ADGRB2: variants seen among roughly 807,000 people sequenced by gnomAD.
ADGRB2 encodes the protein adhesion G protein-coupled receptor B2.
Under a neutral mutation model 178.7 loss-of-function variants are expected in ADGRB2, and 47 were observed. The ratio of observed to expected loss-of-function variants is 0.26; its 90% confidence interval spans 0.21 to 0.34. The LOEUF (loss-of-function observed/expected upper bound fraction) is 0.34. Among genes scored for constraint, ADGRB2 ranks in the 10% least tolerant of loss-of-function variants. ADGRB2 has a pLI of 1.00. For missense variants in ADGRB2, 1,584 were observed against 2,180.8 expected (o/e 0.73, Z 5.45); for synonymous variants, 870 against 912.4 (o/e 0.95, Z 0.84).
At position 31,738,888 on chromosome 1, in the gene ADGRB2, G is replaced by T. The variant is rs371281803; in HGVS notation, c.2545C>A (p.Pro849Thr). ...SRVMTVTVRP[P>T]TQPPAEPLIT... ...AGGGGCTCAGCTGGAGGCTGGGTAGGGGGGCGCACAGTCACTGTCATCACC... is the reference window on the plus strand; with the variant it reads ...AGGGGCTCAGCTGGAGGCTGGGTAGTGGGGCGCACAGTCACTGTCATCACC... Residue 849 changes from proline (P) to threonine (T), a missense_variant, in exon 16 of 33, where the codon CCT becomes ACT. Coordinates refer to ENST00000373658, the MANE Select transcript of ADGRB2 (RefSeq NM_001364857.2). 4 of 1,613,870 alleles carry T rather than the reference G, an allele frequency of 2.5e-6. No individual in the cohort carries two copies. The highest frequency in any genetic ancestry group is 2.7e-5 in the African/African-American group (2 of 75,066).
chr1:31,760,443 G>C (rs992142204), intron 1 of ADGRB2, among the ~76,000 whole-genome samples: 3 of 152,092 alleles, frequency 2.0e-5, no homozygotes, highest in Admixed American at 6.5e-5. Context: ...CTTCCCTTCT[G>C]CACCAATAAA....
chr1:31,732,860 G>GGCCT, intron 26 of ADGRB2, 112 bp downstream of exon 26: 1 of 1,393,980 alleles, frequency 7.2e-7, no homozygotes, highest in Non-Finnish European at 9.7e-7. Flanking sequence ...GCCCAGATGG[G>GGCCT]GCCTGGGGCA....
intron 4 of ADGRB2, among the ~76,000 whole-genome samples, chr1:31,752,399 C>T (rs1434117191): frequency 6.6e-6 from 1 of 152,180 alleles, no homozygotes; most frequent in Non-Finnish European, 1.5e-5. Flanking sequence ...CTGGGTCTCC[C>T]CGCCCCCACC....
chr1:31,755,943 A>C lies in ADGRB2; in HGVS notation c.838+56T>G. 1 of 1,550,472 alleles carries C rather than the reference A, an allele frequency of 6.4e-7. No homozygotes were observed. The highest frequency in any genetic ancestry group is 8.7e-7 in the Non-Finnish European group (1 of 1,144,810). On this transcript the variant is annotated intron_variant, in intron 4 of 32. Transcript: ENST00000373658. The surrounding 1 kb of genome is among the most constrained non-coding windows in gnomAD (Gnocchi z 5.1). The stretch of plus-strand genomic sequence containing the variant: ...CCGAGGATCTGCCAGGATGGACACC[A>C]GGGACACTGTCAGCCCCTGCAGACC...
chr1:31,728,448 G>T lies in ADGRB2; in HGVS notation c.4416+150C>A. ...TGGTGCTATGGGCTTGGGCAGGGAG[G>T]GAATCATGGGAAGATCCCACGGAAC... On this transcript the variant is annotated intron_variant, in intron 30 of 32. Coordinates refer to ENST00000373658, the MANE Select transcript of ADGRB2 (RefSeq NM_001364857.2). The surrounding 1 kb of genome is among the most constrained non-coding windows in gnomAD (Gnocchi z 6.7). 7.3e-7 allele frequency: 1 copy of T among 1,374,718 alleles called. No individual in the cohort carries two copies. Among genetic ancestry groups the T allele is most frequent in the Non-Finnish European group, 1.0e-6 (1 of 969,712 alleles). The allele number at this position is 1,374,718 out of a possible 1,614,324, so 85.2% of individuals were successfully genotyped here.
At chr1:31,757,648 T>C (rs76541007) in intron 1 of ADGRB2, 137 bp from the exon 2 acceptor site, 2,834 of 222,694 alleles carry the variant, frequency 0.013, 91 homozygotes, top group African/African-American at 0.06. Context: ...AAATTCCCCC[T>C]CTTACTTCCC....
chr1:31,732,218 G>A (rs1645324373), intron 27 of ADGRB2, 64 bp from the exon 28 acceptor site: 1 of 1,596,162 alleles, frequency 6.3e-7, no homozygotes, highest in Non-Finnish European at 8.6e-7. Flanking sequence ...GTGGGAGGAG[G>A]CTCAGGCCCT....
chr1:31,733,188 A>C lies in ADGRB2; in HGVS notation c.3453-45T>G, dbSNP rs1645386336. On this transcript the variant is annotated intron_variant, in intron 25 of 32. Transcript: ENST00000373658. This position sits in a 1 kb window ranked among gnomAD's most constrained non-coding sequence, Gnocchi z 4.3. ...GCCCATCAGAGTGACACTCCGGGGG[A>C]CAGGATGGCTTGAGCCTAGGCCTCC... The C allele has an allele frequency of 1.3e-6, 2 of 1,543,134 alleles. No individual in the cohort carries two copies. The highest frequency in any genetic ancestry group is 2.4e-5 in the South Asian group (2 of 83,470).
In ADGRB2 at chr1:31,759,185, G is replaced by T. The variant is rs566030255; in HGVS notation, c.-190-1674C>A. Reference sequence around the variant, plus strand: ...ATATGAATGGATACATATGTACACGGACATGCACACAGGTGAAACCCACAG... The same window carrying T: ...ATATGAATGGATACATATGTACACGTACATGCACACAGGTGAAACCCACAG... On this transcript the variant is annotated intron_variant, in intron 1 of 32. Coordinates refer to ENST00000373658, the MANE Select transcript of ADGRB2 (RefSeq NM_001364857.2). This position sits in a 1 kb window ranked among gnomAD's most constrained non-coding sequence, Gnocchi z 4.3. 8.2e-5 allele frequency: 60 copies of T among 728,632 alleles called. 1 individual carries two copies. In the African/African-American group the frequency reaches 9.2e-4, roughly 11 times the overall value. The allele number at this position is 728,632 out of a possible 1,614,324, so 45.1% of individuals were successfully genotyped here.
rs749618524 is a variant in ADGRB2, at chr1:31,728,381, C to G, written c.4417-101G>C. 65 of 1,362,094 alleles carry G rather than the reference C, an allele frequency of 4.8e-5. 1 individual carries two copies. Among genetic ancestry groups the G allele is most frequent in the Non-Finnish European group, 6.0e-5 (58 of 969,638 alleles). The allele number at this position is 1,362,094 out of a possible 1,614,324, so 84.4% of individuals were successfully genotyped here. ...CCCAAGCCCCCCACATCCCTCCCTG[C>G]TGCCAGCCCCTCTGGGACAAGACCT... On this transcript the variant is annotated intron_variant, in intron 30 of 32. Coordinates refer to ENST00000373658, the MANE Select transcript of ADGRB2 (RefSeq NM_001364857.2). The surrounding 1 kb of genome is among the most constrained non-coding windows in gnomAD (Gnocchi z 6.7).
At position 31,741,224 on chromosome 1, in the gene ADGRB2, C is replaced by T. The variant is rs1645946214; in HGVS notation, c.1794+149G>A. On this transcript the variant is annotated intron_variant, in intron 11 of 32. Transcript: ENST00000373658. This position sits in a 1 kb window ranked among gnomAD's most constrained non-coding sequence, Gnocchi z 6.5. ...TCAGGCCTTGAGGTATGAGTAGGAG[C>T]TTGCCAGACAAGGAGAGGCACAGCC... is the stretch of plus-strand genomic sequence containing the variant. The T allele has an allele frequency of 6.5e-6, 5 of 771,008 alleles. No homozygotes were observed. Among genetic ancestry groups the T allele is most frequent in the Non-Finnish European group, 4.2e-6 (2 of 472,336 alleles). 47.8% of individuals were successfully genotyped at this position (771,008 alleles called of 1,614,324 possible).
In ADGRB2 at chr1:31,735,018, GCCA is replaced by G. The variant is rs1280389606; in HGVS notation, c.3452+162_3452+164del. Among the ~76,000 whole-genome samples, 4 of 152,126 alleles carry G rather than the reference GCCA, an allele frequency of 2.6e-5. No individual in the cohort carries two copies. Among genetic ancestry groups the G allele is most frequent in the Admixed American group, 2.6e-4 (4 of 15,274 alleles). On this transcript the variant is annotated intron_variant, in intron 25 of 32. Coordinates refer to ENST00000373658, the MANE Select transcript of ADGRB2 (RefSeq NM_001364857.2). The surrounding 1 kb of genome is among the most constrained non-coding windows in gnomAD (Gnocchi z 6.0). ...CAGACATCCACTCCTCATCGCCTTG[GCCA>G]CCTCTTGCCGAGCCCTTGAGAGTGT...
chr1:31,735,285 G>A lies in ADGRB2; in HGVS notation c.3354-4C>T, dbSNP rs779715885. 18 of 1,477,026 alleles carry A rather than the reference G, an allele frequency of 1.2e-5. No homozygotes were observed. Among genetic ancestry groups the A allele is most frequent in the Admixed American group, 1.1e-4 (5 of 46,326 alleles). The allele number at this position is 1,477,026 out of a possible 1,614,324, so 91.5% of individuals were successfully genotyped here. ...GGCCCAGGGGCACCGCTCCGACCTCGGGGGCGGCACAGACATGGGAGAAGG... is the reference window on the plus strand; with the variant it reads ...GGCCCAGGGGCACCGCTCCGACCTCAGGGGCGGCACAGACATGGGAGAAGG... On this transcript the variant is annotated splice_region_variant and splice_polypyrimidine_tract_variant and intron_variant, in intron 24 of 32. Coordinates refer to ENST00000373658, the MANE Select transcript of ADGRB2 (RefSeq NM_001364857.2). The surrounding 1 kb of genome is among the most constrained non-coding windows in gnomAD (Gnocchi z 6.0).
rs1481546268 is a variant in ADGRB2, at chr1:31,741,043, T to C, written c.1794+330A>G. 6.6e-6 allele frequency among the ~76,000 whole-genome samples: 1 copy of C among 152,118 alleles called. No individual in the cohort carries two copies. The highest frequency in any genetic ancestry group is 3.2e-3 in the Middle Eastern group (1 of 316). Reference sequence around the variant, plus strand: ...ACTGATGCTACTCTTACCCCATGACTGGCCCTGGGCTGGATGCTGGGGACA... The same window carrying C: ...ACTGATGCTACTCTTACCCCATGACCGGCCCTGGGCTGGATGCTGGGGACA... On this transcript the variant is annotated intron_variant, in intron 11 of 32. Coordinates refer to ENST00000373658, the MANE Select transcript of ADGRB2 (RefSeq NM_001364857.2). The surrounding 1 kb of genome is among the most constrained non-coding windows in gnomAD (Gnocchi z 6.5).
In ADGRB2 at chr1:31,756,183, AAAGCCGCAGG is replaced by A. The variant is rs1426036239; in HGVS notation, c.644_653del (p.Ala215ValfsTer60). The A allele has an allele frequency of 6.2e-7, 1 of 1,613,076 alleles. No homozygotes were observed. Among genetic ancestry groups the A allele is most frequent in the Non-Finnish European group, 8.5e-7 (1 of 1,179,864 alleles). On this transcript the variant is annotated frameshift_variant, in exon 4 of 33. Transcript: ENST00000373658. LOFTEE classifies it high-confidence loss of function. The surrounding 1 kb of genome is among the most constrained non-coding windows in gnomAD (Gnocchi z 8.5). ...CAGGGCAGCTGCAGCCTGGCTGAGCAAAGCCGCAGGCCCTGCCGGCAGCGCGGCCACACTC... is the reference window on the plus strand; with the variant it reads ...CAGGGCAGCTGCAGCCTGGCTGAGCACCCTGCCGGCAGCGCGGCCACACTC...
In ADGRB2 at chr1:31,727,400, T is replaced by C. The variant is rs1369079338; in HGVS notation, c.*20A>G. 3.2e-6 allele frequency: 5 copies of C among 1,574,196 alleles called. No homozygotes were observed. In the African/African-American group the frequency reaches 7.0e-5, roughly 22 times the overall value. ...GAGAGATATATATATTTATATGCAG[T>C]GGGCAGTCCAGCGTGGCACTCACAC... On this transcript the variant is annotated 3_prime_UTR_variant, in exon 33 of 33. Transcript: ENST00000373658. This position sits in a 1 kb window ranked among gnomAD's most constrained non-coding sequence, Gnocchi z 4.4.
intron 28 of ADGRB2, 105 bp downstream of exon 28, chr1:31,732,010 A>C (rs1569758001): frequency 6.8e-7 from 1 of 1,467,058 alleles, no homozygotes; most frequent in Non-Finnish European, 9.5e-7. Context: ...TCGAAGCTGG[A>C]CTCCAGCAGC....
At position 31,732,522 on chromosome 1, in the gene ADGRB2, T is replaced by A; in HGVS notation, c.3715A>T (p.Ile1239Phe). 1 of 1,614,112 alleles carries A rather than the reference T, an allele frequency of 6.2e-7. No homozygotes were observed. Among genetic ancestry groups the A allele is most frequent in the Admixed American group, 1.7e-5 (1 of 60,030 alleles). Reference sequence around the variant, plus strand: ...TGCCCAGGCCCCTAACTCACCAGGATCTGCAGCTGCCCGTTCTTACACGAG... The same window carrying A: ...TGCCCAGGCCCCTAACTCACCAGGAACTGCAGCTGCCCGTTCTTACACGAG... Reference protein sequence around the residue: ...PDSCKNGQLQILSDFEKDVDL... With the variant: ...PDSCKNGQLQFLSDFEKDVDL... Residue 1239 changes from isoleucine (I) to phenylalanine (F), a missense_variant, in exon 27 of 33, where the codon ATC becomes TTC. Ile to Phe is a conservative substitution (Grantham distance 21, BLOSUM62 0). This residue lies in a region of ADGRB2 where 865 missense variants were observed against 1,192.8 expected (regional missense o/e 0.73). Coordinates refer to ENST00000373658, the MANE Select transcript of ADGRB2 (RefSeq NM_001364857.2).
rs1645137651 is a variant in ADGRB2, at chr1:31,728,868, C to CTTCCAACATGACAGGCCCAGA, written c.4381-256_4381-236dup. ...CACACGTCAAATGGCATGGTGCGGA[C>CTTCCAACATGACAGGCCCAGA]TTCCAACATGACAGGCCCAGATGCC... On this transcript the variant is annotated intron_variant, in intron 29 of 32. Transcript: ENST00000373658. This position sits in a 1 kb window ranked among gnomAD's most constrained non-coding sequence, Gnocchi z 6.7. Among the ~76,000 whole-genome samples, 1 of 141,058 alleles carries CTTCCAACATGACAGGCCCAGA rather than the reference C, an allele frequency of 7.1e-6. No homozygotes were observed. Among genetic ancestry groups the CTTCCAACATGACAGGCCCAGA allele is most frequent in the Non-Finnish European group, 1.6e-5 (1 of 62,844 alleles). The allele number at this position is 141,058 out of a possible 152,430, so 92.5% of individuals were successfully genotyped here.
Sources: gnomAD v4.1 joint callset for allele counts (sites outside exome capture counted in the v4.1 genomes callset) on GRCh38, gnomAD v4.1.1 for gene constraint, gnomAD v4.1.1 regional missense constraint, Gnocchi (gnomAD v3.1) non-coding constraint, MANE v1.5 for transcripts, NCBI Gene and HGNC (gene_info 2026-07-23, HGNC 2026-07-21) for gene names.